CABIN1: variants seen among roughly 807,000 people sequenced by gnomAD.
The protein encoded by CABIN1 is calcineurin-binding protein cabin-1.
CABIN1 carries 133 observed loss-of-function variants against 227.7 expected under a neutral mutation model. The observed-to-expected ratio is 0.58, with a 90% CI of 0.51 to 0.67. CABIN1 has a LOEUF of 0.67. Among genes scored for constraint, CABIN1 ranks in the 30% least tolerant of loss-of-function variants. The probability of loss-of-function intolerance (pLI) is 0.00; values close to 1 mark genes in which losing one functional copy is unlikely to be tolerated. For synonymous variants in CABIN1, 1,086 were observed against 1,155.1 expected, an observed-to-expected ratio of 0.94 and a Z score of 1.21; for missense variants, 2,408 against 2,852.5, an observed-to-expected ratio of 0.84 and a Z score of 3.55.
intron 29 of CABIN1, among the ~76,000 whole-genome samples, chr22:24,164,001 T>C (rs1383246094): frequency 6.6e-6 from 1 of 152,184 alleles, no homozygotes; most frequent in Non-Finnish European, 1.5e-5. Flanking sequence ...CTGCTTTGAC[T>C]CAGCAGTTCC....
Position 24,070,975 on chromosome 22 carries a change from G to A in CABIN1, c.2408G>A (p.Ser803Asn). The A allele has an allele frequency of 6.2e-7, 1 of 1,614,236 alleles. No individual in the cohort carries two copies. The change falls in exon 17 of 37, where the codon AGT (serine) becomes AAT (asparagine). Residue 803 changes from serine to asparagine, a missense_variant. Physicochemically the swap from Ser to Asn is conservative, Grantham distance 46. Around this residue, in one of 3 missense-constraint regions of CABIN1, gnomAD observed 1,045 missense variants for 1,168.4 expected, o/e 0.89. Transcript: ENST00000263119. Reference protein sequence around the residue: ...GIEQALSADSSGSILKVSSST... With the variant: ...GIEQALSADSNGSILKVSSST... ...GAGCAGGCCCTCTCTGCGGACAGCAGTGGTAGCATCCTGAAGGTATCATCC... is the reference window on the plus strand; with the variant it reads ...GAGCAGGCCCTCTCTGCGGACAGCAATGGTAGCATCCTGAAGGTATCATCC...
At chr22:24,164,329 A>T in intron 29 of CABIN1, 71 bp from the exon 30 acceptor site, 1 of 1,582,466 alleles carries the variant, frequency 6.3e-7, no homozygotes, top group Non-Finnish European at 8.6e-7. Flanking sequence ...TCCAGGGGAT[A>T]CCAGACAGGG....
chr22:24,129,975 T>C (rs1233836607), intron 28 of CABIN1, among the ~76,000 whole-genome samples: 1 of 152,216 alleles, frequency 6.6e-6, no homozygotes, highest in African/African-American at 2.4e-5. Context: ...ATGTCCCCTC[T>C]GCCTTCTGCT....
intron 29 of CABIN1, among the ~76,000 whole-genome samples, chr22:24,157,185 C>A (rs1352707737): frequency 6.6e-6 from 1 of 152,124 alleles, no homozygotes; most frequent in East Asian, 1.9e-4. Context: ...AACTTCCTGT[C>A]CCTAGGGGTG....
chr22:24,157,583 G>A (rs1044855018), intron 29 of CABIN1, among the ~76,000 whole-genome samples: 2 of 152,088 alleles, frequency 1.3e-5, no homozygotes, highest in African/African-American at 2.4e-5. Flanking sequence ...AAGGAGCTGG[G>A]CAGGCAGCCT....
intron 29 of CABIN1, chr22:24,155,802 G>C (rs1054365211): frequency 2.4e-6 from 1 of 412,460 alleles, no homozygotes; most frequent in Admixed American, 4.6e-5. Flanking sequence ...CATGCTCTCT[G>C]GGGCCCCACA....
At chr22:24,147,699 C>T (rs2045239065) in intron 29 of CABIN1, among the ~76,000 whole-genome samples, 1 of 152,064 alleles carries the variant, frequency 6.6e-6, no homozygotes, top group South Asian at 2.1e-4. Flanking sequence ...CTTCCTTAGC[C>T]TCCCAAAGTG....
intron 19 of CABIN1, among the ~76,000 whole-genome samples, chr22:24,078,652 G>A (rs1052708127): frequency 2.0e-5 from 3 of 152,196 alleles, no homozygotes; most frequent in East Asian, 3.9e-4. Context: ...AGCTCAAATG[G>A]CCCCTGTGCT....
At chr22:24,113,536 C>T (rs373360229) in intron 26 of CABIN1, 30 bp from the exon 27 acceptor site, 3 of 1,608,256 alleles carry the variant, frequency 1.9e-6, no homozygotes, top group East Asian at 2.2e-5. Flanking sequence ...GGTTAATGCT[C>T]TCGCCCTCTC....
At chr22:24,050,794 G>C in intron 7 of CABIN1, 31 bp from the exon 8 acceptor site, 2 of 1,613,912 alleles carry the variant, frequency 1.2e-6, no homozygotes, top group Non-Finnish European at 1.7e-6. Context: ...TTTGTAACAT[G>C]ATAATTTCTC....
intron 17 of CABIN1, among the ~76,000 whole-genome samples, chr22:24,071,642 T>C (rs560298696): frequency 1.4e-3 from 211 of 152,298 alleles, no homozygotes; most frequent in Non-Finnish European, 2.6e-3. Context: ...GCAGCACACT[T>C]GCCACAGTCT....
chr22:24,060,239 A>G (rs2039092719), intron 12 of CABIN1, 98 bp downstream of exon 12: 2 of 1,197,996 alleles, frequency 1.7e-6, no homozygotes, highest in Admixed American at 3.9e-5. Flanking sequence ...GTTTGGCTGC[A>G]TCTACTTGTG....
At chr22:24,044,735 A>C (rs925137016) in intron 6 of CABIN1, among the ~76,000 whole-genome samples, 1 of 152,180 alleles carries the variant, frequency 6.6e-6, no homozygotes, top group African/African-American at 2.4e-5. Flanking sequence ...GTGCTTTGCT[A>C]CTTTATAACA....
At chr22:24,128,299 G>A (rs1477064367) in intron 28 of CABIN1, among the ~76,000 whole-genome samples, 1 of 144,946 alleles carries the variant, frequency 6.9e-6, no homozygotes, top group African/African-American at 2.5e-5. Context: ...GGATTCTCGG[G>A]GCGGGGGGAG....
chr22:24,094,955 T>C (rs368360912), intron 24 of CABIN1, among the ~76,000 whole-genome samples: 7 of 152,360 alleles, frequency 4.6e-5, no homozygotes, highest in African/African-American at 1.2e-4. Flanking sequence ...GGATGAACTT[T>C]ACCAGTTGAA....
Position 24,099,396 on chromosome 22 carries a change from G to A in CABIN1, c.4117+1204G>A, listed in dbSNP as rs529039549. 3.9e-5 allele frequency among the ~76,000 whole-genome samples: 6 copies of A among 152,280 alleles called. No individual in the cohort carries two copies. In the South Asian group the frequency reaches 6.2e-4, roughly 16 times the overall value. On this transcript the variant is annotated intron_variant, in intron 26 of 36. Coordinates refer to ENST00000263119, the MANE Select transcript of CABIN1 (RefSeq NM_012295.4). ...GGTTTGGTTTGGATCTACAGCATGC[G>A]TGTTGAGAGAGGCTGAGGATCTGAG...
chr22:24,044,811 TG>T (rs1430671651), intron 6 of CABIN1, among the ~76,000 whole-genome samples: 2 of 152,192 alleles, frequency 1.3e-5, no homozygotes, highest in Non-Finnish European at 2.9e-5. Context: ...TCAGCAGAAA[TG>T]CCCTTGATGT....
At chr22:24,114,626 G>T (rs1191852206) in intron 27 of CABIN1, among the ~76,000 whole-genome samples, 1 of 152,136 alleles carries the variant, frequency 6.6e-6, no homozygotes, top group Non-Finnish European at 1.5e-5. Context: ...TCTCCGGGTG[G>T]GATGGATGGA....
At chr22:24,049,618 G>T (rs2038167119) in intron 7 of CABIN1, among the ~76,000 whole-genome samples, 1 of 152,086 alleles carries the variant, frequency 6.6e-6, no homozygotes, top group African/African-American at 2.4e-5. Flanking sequence ...CCCCTGCCTT[G>T]CCTCCAGGAC....
Sources: gnomAD v4.1 joint callset for allele counts (sites outside exome capture counted in the v4.1 genomes callset) on GRCh38, gnomAD v4.1.1 for gene constraint, gnomAD v4.1.1 regional missense constraint, MANE v1.5 for transcripts, NCBI Gene and HGNC (gene_info 2026-07-23, HGNC 2026-07-21) for gene names.